Variants in NLGN1 observed in about 807,000 individuals in gnomAD.
The protein encoded by NLGN1 is neuroligin 1, also known as neuroligin-1.
In NLGN1, 12 loss-of-function variants were observed where a neutral mutation model predicts 65.5. That is an observed-to-expected ratio of 0.18 (90% confidence interval 0.12 to 0.30). NLGN1 has a LOEUF of 0.30. Ranked by LOEUF, NLGN1 falls within the 10% of genes least tolerant of loss-of-function variation. The pLI is 1.00. For missense variants in NLGN1, 750 were observed against 1,007.1 expected (o/e 0.74, Z 3.46); for synonymous variants, 350 against 359.5 (o/e 0.97, Z 0.30).
intron 3 of NLGN1, among the ~76,000 whole-genome samples, chr3:173,769,878 C>T (rs1213204830): frequency 6.6e-6 from 1 of 152,156 alleles, no homozygotes. Flanking sequence ...TACCTTATCC[C>T]TCTGGAAATA....
chr3:173,753,232 C>A (rs561191448), intron 3 of NLGN1, among the ~76,000 whole-genome samples: 1 of 152,254 alleles, frequency 6.6e-6, no homozygotes, highest in Admixed American at 6.6e-5. Flanking sequence ...TAGATCTCTG[C>A]TGCAGGCATC....
intron 2 of NLGN1, among the ~76,000 whole-genome samples, chr3:173,450,564 A>G (rs1168297080): frequency 6.6e-6 from 1 of 152,098 alleles, no homozygotes; most frequent in African/African-American, 2.4e-5. Flanking sequence ...CTTGAGGAGT[A>G]TCTTTGTGGC....
intron 4 of NLGN1, among the ~76,000 whole-genome samples, chr3:173,914,552 CACACAT>C (rs1239910315): frequency 2.8e-4 from 40 of 143,666 alleles, no homozygotes; most frequent in Middle Eastern, 3.6e-3. Flanking sequence ...CACACACACA[CACACAT>C]ATGTATATAT....
At chr3:174,051,066 A>G (rs1212482638) in intron 4 of NLGN1, among the ~76,000 whole-genome samples, 2 of 152,120 alleles carry the variant, frequency 1.3e-5, no homozygotes, top group African/African-American at 4.8e-5. Context: ...TTCTGGTTCT[A>G]CTGTACCAAC....
chr3:174,270,443 A>G (rs1749190868), intron 4 of NLGN1, among the ~76,000 whole-genome samples: 1 of 151,806 alleles, frequency 6.6e-6, no homozygotes, highest in Admixed American at 6.6e-5. Context: ...GTCAAGAATC[A>G]TTTGGCCATA....
intron 4 of NLGN1, among the ~76,000 whole-genome samples, chr3:174,150,808 A>G (rs766874956): frequency 2.6e-5 from 4 of 152,132 alleles, no homozygotes; most frequent in Non-Finnish European, 4.4e-5. Flanking sequence ...ATACAGTGGC[A>G]TAGGAAAACA....
At chr3:174,186,939 T>C (rs991431637) in intron 4 of NLGN1, among the ~76,000 whole-genome samples, 3 of 150,058 alleles carry the variant, frequency 2.0e-5, no homozygotes, top group Non-Finnish European at 4.4e-5. Flanking sequence ...TAGAACTCCC[T>C]CCAGATACTA....
chr3:173,924,213 GAT>G (rs1288938227), intron 4 of NLGN1, among the ~76,000 whole-genome samples: 2 of 152,096 alleles, frequency 1.3e-5, no homozygotes, highest in African/African-American at 4.8e-5. Flanking sequence ...ACCTGAAAGA[GAT>G]ATATTAACAA....
At chr3:173,647,462 T>G (rs545167489) in intron 3 of NLGN1, among the ~76,000 whole-genome samples, 1 of 152,244 alleles carries the variant, frequency 6.6e-6, no homozygotes, top group South Asian at 2.1e-4. Flanking sequence ...CAAGTTGCAG[T>G]ACATTTAAAT....
At chr3:173,862,690 T>C (rs1215080316) in intron 4 of NLGN1, among the ~76,000 whole-genome samples, 2 of 152,122 alleles carry the variant, frequency 1.3e-5, no homozygotes, top group Non-Finnish European at 2.9e-5. Context: ...CATTTTATTT[T>C]GTATTTCTTT....
rs749749824 is a variant in NLGN1 at position 173,747,801 on chromosome 3, C to CTTTTTTTTTTTTTT, written c.494-59862_494-59849dup. Among the ~76,000 whole-genome samples the CTTTTTTTTTTTTTT allele has an allele frequency of 2.2e-3, 141 of 64,420 alleles. 32 individuals are homozygous for CTTTTTTTTTTTTTT. Among genetic ancestry groups the CTTTTTTTTTTTTTT allele is most frequent in the African/African-American group, 7.3e-3 (118 of 16,096 alleles). The allele number at this position is 64,420 out of a possible 152,430, so 42.3% of individuals were successfully genotyped here. A position where few individuals can be genotyped will look rare whatever the true frequency, so the allele number is the denominator to read the frequency against. The stretch of plus-strand genomic sequence containing the variant: ...AATTTTCTTTCTTCTTCTTCTTGTT[C>CTTTTTTTTTTTTTT]TTTTTTTTTTTTTTTTTTTTTTTTT... On this transcript the variant is annotated intron_variant, in intron 3 of 6. Coordinates refer to ENST00000457714, the Ensembl canonical transcript of NLGN1.
intron 2 of NLGN1, among the ~76,000 whole-genome samples, chr3:173,475,586 C>G (rs1576870333): frequency 6.6e-6 from 1 of 152,080 alleles, no homozygotes; most frequent in Admixed American, 6.6e-5. Flanking sequence ...TTTTTGGGAG[C>G]AAATACTTCA....
At chr3:174,155,329 T>A (rs1478068375) in intron 4 of NLGN1, among the ~76,000 whole-genome samples, 1 of 151,722 alleles carries the variant, frequency 6.6e-6, no homozygotes, top group African/African-American at 2.4e-5. Flanking sequence ...TAAATTTTTA[T>A]TAGGCTACAG....
At chr3:173,918,317 A>G (rs1337015574) in intron 4 of NLGN1, among the ~76,000 whole-genome samples, 1 of 152,066 alleles carries the variant, frequency 6.6e-6, no homozygotes, top group Non-Finnish European at 1.5e-5. Context: ...ACATCTACAA[A>G]AGGTATCAAA....
At chr3:174,071,543 A>G (rs114467784) in intron 4 of NLGN1, among the ~76,000 whole-genome samples, 1 of 151,946 alleles carries the variant, frequency 6.6e-6, no homozygotes, top group Admixed American at 6.6e-5. Flanking sequence ...ACCAAAACAC[A>G]CATGAAAAAA....
intron 4 of NLGN1, among the ~76,000 whole-genome samples, chr3:174,086,382 T>C (rs1743400454): frequency 6.7e-6 from 1 of 150,066 alleles, no homozygotes; most frequent in African/African-American, 2.4e-5. Flanking sequence ...GTTAAACAAA[T>C]ACTTTTTAAT....
At chr3:174,014,829 A>C (rs1169425017) in intron 4 of NLGN1, among the ~76,000 whole-genome samples, 2 of 152,172 alleles carry the variant, frequency 1.3e-5, no homozygotes, top group Non-Finnish European at 2.9e-5. Flanking sequence ...GAATCAAGCG[A>C]GGGATCATGT....
chr3:174,059,125 C>T (rs1473205630), intron 4 of NLGN1, among the ~76,000 whole-genome samples: 2 of 152,152 alleles, frequency 1.3e-5, no homozygotes, highest in Non-Finnish European at 2.9e-5. Context: ...TATTCTCCAT[C>T]TGTGCTCACT....
chr3:173,762,654 C>A (rs772832024), intron 3 of NLGN1, among the ~76,000 whole-genome samples: 9 of 151,974 alleles, frequency 5.9e-5, no homozygotes, highest in Non-Finnish European at 1.2e-4. Flanking sequence ...CTGTTATAAA[C>A]CATTACTCTG....
Sources: allele counts gnomAD v4.1 joint callset (sites outside exome capture counted in the v4.1 genomes callset), GRCh38; gene constraint gnomAD v4.1.1; transcripts MANE v1.5; gene names NCBI Gene and HGNC (gene_info 2026-07-23, HGNC 2026-07-21).